HNRNPDL: variants seen among roughly 807,000 people sequenced by gnomAD.
The protein encoded by HNRNPDL is heterogeneous nuclear ribonucleoprotein D-like.
HNRNPDL carries 18 observed loss-of-function variants against 48.0 expected under a neutral mutation model. The observed-to-expected ratio is 0.38, with a 90% CI of 0.26 to 0.56. The LOEUF (loss-of-function observed/expected upper bound fraction) is 0.56, where lower values mean the gene tolerates loss of function less well. Ranked by LOEUF, HNRNPDL falls within the 20% of genes least tolerant of loss-of-function variation. The pLI is 0.77. For missense variants in HNRNPDL, 553 were observed against 540.7 expected (o/e 1.02, Z -0.23); for synonymous variants, 306 against 207.3 (o/e 1.48, Z -4.09).
At position 82,429,458 on chromosome 4, in the gene HNRNPDL, C is replaced by T. The variant is rs1418363610; in HGVS notation, c.233G>A (p.Gly78Glu). 2 of 1,603,582 alleles carry T rather than the reference C, an allele frequency of 1.2e-6. No individual in the cohort carries two copies. Among genetic ancestry groups the T allele is most frequent in the African/African-American group, 1.3e-5 (1 of 74,722 alleles). The change falls in exon 1 of 8, where the codon GGG (glycine) becomes GAG (glutamate). Residue 78 changes from glycine to glutamate, a missense_variant. Around this residue, in one of 4 missense-constraint regions of HNRNPDL, gnomAD observed 327 missense variants for 203.2 expected, o/e 1.61. Transcript: ENST00000295470. Reference sequence around the variant, plus strand: ...GAAGAGATCCGGGCGCCGCCTGCGCCCTCCCTTTATAGCCGCCCCGCCCGC... The same window carrying T: ...GAAGAGATCCGGGCGCCGCCTGCGCTCTCCCTTTATAGCCGCCCCGCCCGC... ...RLAGGAAIKGGRRRRPDLFRR... is the reference protein window; with the variant it reads ...RLAGGAAIKGERRRRPDLFRR...
chr4:82,427,127 T>C, intron 5 of HNRNPDL, 63 bp downstream of exon 5: 1 of 1,062,348 alleles, frequency 9.4e-7, no homozygotes, highest in East Asian at 2.4e-5. Flanking sequence ...ACAGGACTAC[T>C]CATATTCAGC....
intron 1 of HNRNPDL, 138 bp from the exon 2 acceptor site, chr4:82,428,584 A>G (rs908861798): frequency 1.4e-5 from 10 of 715,608 alleles, no homozygotes; most frequent in Middle Eastern, 4.0e-4. Context: ...CATTTAATCT[A>G]TGTCACACAA....
intron 1 of HNRNPDL, 107 bp from the exon 2 acceptor site, chr4:82,428,553 A>G: frequency 2.4e-6 from 2 of 834,650 alleles, no homozygotes; most frequent in Non-Finnish European, 1.8e-6. Context: ...CCCTAAGTGT[A>G]GGCAATTTAA....
rs201715406 is a variant in HNRNPDL, at chr4:82,429,238, C to A, written c.443+10G>T. 6.2e-7 allele frequency: 1 copy of A among 1,612,386 alleles called. No homozygotes were observed. Among genetic ancestry groups the A allele is most frequent in the African/African-American group, 1.3e-5 (1 of 75,000 alleles). On this transcript the variant is annotated intron_variant, in intron 1 of 7. Coordinates refer to ENST00000295470, the MANE Select transcript of HNRNPDL (RefSeq NM_031372.4). ...GGGGGAGGGGGAGCGGGGGAAGAAG[C>A]GTGCGGTACCCGTCATCCTGCTGAT... is the stretch of plus-strand genomic sequence containing the variant.
At chr4:82,429,216 G>C (rs866901696) in intron 1 of HNRNPDL, 32 bp downstream of exon 1, 5 of 1,601,782 alleles carry the variant, frequency 3.1e-6, no homozygotes, top group Non-Finnish European at 4.3e-6. Flanking sequence ...GCGCGCTGGG[G>C]GAGGGGGAGC....
Position 82,423,394 on chromosome 4 carries a change from C to A in HNRNPDL, c.*1512G>T, listed in dbSNP as rs1299826267. ...GTTGCATGTTGAATGAACAGAATCC[C>A]TTCTAACAGCCAACATTGGTACTTG... On this transcript the variant is annotated 3_prime_UTR_variant, in exon 8 of 8. Coordinates refer to ENST00000295470, the MANE Select transcript of HNRNPDL (RefSeq NM_031372.4). 8 of 152,276 alleles carry A rather than the reference C, an allele frequency of 5.3e-5. No homozygotes were observed. The highest frequency in any genetic ancestry group is 1.0e-4 in the Non-Finnish European group (7 of 68,040). The allele number at this position is 152,276 out of a possible 1,614,324, so 9.4% of individuals were successfully genotyped here.
At position 82,430,033 on chromosome 4, in the gene HNRNPDL, T is replaced by C; in HGVS notation, c.-343A>G. The C allele has an allele frequency of 2.0e-5, 3 of 146,460 alleles. No homozygotes were observed. Among genetic ancestry groups the C allele is most frequent in the East Asian group, 2.3e-4 (1 of 4,276 alleles). The allele number at this position is 146,460 out of a possible 1,614,324, so 9.1% of individuals were successfully genotyped here. A position where few individuals can be genotyped will look rare whatever the true frequency, so the allele number is the denominator to read the frequency against. The stretch of plus-strand genomic sequence containing the variant: ...CTGGCGACTGAGGCGGCGAGCGCGC[T>C]CGCCCGCCGCGCGCACGCGTGTTTT... On this transcript the variant is annotated 5_prime_UTR_variant, in exon 1 of 8. Coordinates refer to ENST00000295470, the MANE Select transcript of HNRNPDL (RefSeq NM_031372.4).
At chr4:82,429,125 G>A (rs1190096380) in intron 1 of HNRNPDL, 123 bp downstream of exon 1, 16 of 874,482 alleles carry the variant, frequency 1.8e-5, no homozygotes, top group African/African-American at 1.3e-4. Flanking sequence ...AATCTAGTGG[G>A]GCCCAGAAGG....
In HNRNPDL at chr4:82,422,788, A is replaced by G. The variant is rs924298131; in HGVS notation, c.*2118T>C. 1 of 152,242 alleles carries G rather than the reference A, an allele frequency of 6.6e-6. No individual in the cohort carries two copies. The highest frequency in any genetic ancestry group is 2.4e-5 in the African/African-American group (1 of 41,474). 9.4% of individuals were successfully genotyped at this position (152,242 alleles called of 1,614,324 possible). A position where few individuals can be genotyped will look rare whatever the true frequency, so the allele number is the denominator to read the frequency against. On this transcript the variant is annotated 3_prime_UTR_variant, in exon 8 of 8. Transcript: ENST00000295470. ...TAATTTCTATCCTCTTCCCGAGGAT[A>G]ACATCACACAGAATTTGGTCTAAAC...
At chr4:82,425,964 T>TA in intron 7 of HNRNPDL, 73 bp downstream of exon 7, 1 of 1,033,102 alleles carries the variant, frequency 9.7e-7, no homozygotes, top group Non-Finnish European at 1.5e-6. Context: ...ATTTTGTTTT[T>TA]ACGTTTCATT....
chr4:82,424,165 C>G lies in HNRNPDL; in HGVS notation c.*741G>C, dbSNP rs1459878023. The G allele has an allele frequency of 6.6e-6, 1 of 152,170 alleles. No homozygotes were observed. The highest frequency in any genetic ancestry group is 1.5e-5 in the Non-Finnish European group (1 of 68,026). 9.4% of individuals were successfully genotyped at this position (152,170 alleles called of 1,614,324 possible). A position where few individuals can be genotyped will look rare whatever the true frequency, so the allele number is the denominator to read the frequency against. On this transcript the variant is annotated 3_prime_UTR_variant, in exon 8 of 8. Transcript: ENST00000295470. The stretch of plus-strand genomic sequence containing the variant: ...GCTCCTTTTGTATCTGAACTTTTAT[C>G]AAGAATTACTCATTGTGTTATGATT...
Position 82,423,916 on chromosome 4 carries a change from G to T in HNRNPDL, c.*990C>A, listed in dbSNP as rs192696304. ...TGTCAAAAACTAGATTTACTATCAA[G>T]ACTTTTTCTAAACTCACAGAGCATT... On this transcript the variant is annotated 3_prime_UTR_variant, in exon 8 of 8. Transcript: ENST00000295470. 9.9e-5 allele frequency: 15 copies of T among 152,246 alleles called. No individual in the cohort carries two copies. Among genetic ancestry groups the T allele is most frequent in the East Asian group, 5.8e-4 (3 of 5,184 alleles). The allele number at this position is 152,246 out of a possible 1,614,324, so 9.4% of individuals were successfully genotyped here. A position where few individuals can be genotyped will look rare whatever the true frequency, so the allele number is the denominator to read the frequency against.
intron 1 of HNRNPDL, 105 bp from the exon 2 acceptor site, chr4:82,428,551 G>A: frequency 1.2e-6 from 1 of 848,038 alleles, no homozygotes; most frequent in South Asian, 1.8e-5. Flanking sequence ...CCCCCTAAGT[G>A]TAGGCAATTT....
At chr4:82,426,755 A>G (rs1338257565) in intron 5 of HNRNPDL, 122 bp from the exon 6 acceptor site, 1 of 778,234 alleles carries the variant, frequency 1.3e-6, no homozygotes, top group East Asian at 2.5e-5. Context: ...ATATATTGCT[A>G]TCTGCTTGAA....
chr4:82,430,386 G>C lies in HNRNPDL; in HGVS notation c.-696C>G, dbSNP rs566635943. 2.9e-5 allele frequency: 5 copies of C among 171,646 alleles called. No individual in the cohort carries two copies. Among genetic ancestry groups the C allele is most frequent in the Admixed American group, 6.0e-5 (1 of 16,696 alleles). The allele number at this position is 171,646 out of a possible 1,614,324, so 10.6% of individuals were successfully genotyped here. ...CGGGGCTCCTTTCTGCACGTGCCCC[G>C]GGCCTCTCCCGCTCGCTCAACCTGT... is the stretch of plus-strand genomic sequence containing the variant. On this transcript the variant is annotated 5_prime_UTR_variant, in exon 1 of 8. Transcript: ENST00000295470.
At chr4:82,425,488 T>C (rs1348997220) in intron 7 of HNRNPDL, 1 of 152,804 alleles carries the variant, frequency 6.5e-6, no homozygotes, top group Non-Finnish European at 1.5e-5. Context: ...TCCAAAAAGA[T>C]TAAAAATGAA....
Position 82,423,551 on chromosome 4 carries a change from G to A in HNRNPDL, c.*1355C>T, listed in dbSNP as rs1262435492. On this transcript the variant is annotated 3_prime_UTR_variant, in exon 8 of 8. Transcript: ENST00000295470. ...TTAAAAAAAAAAAGGGAGGGCTCAT[G>A]AGCATAAGAAACTTACCAGTTTTGT... The A allele has an allele frequency of 6.6e-6, 1 of 152,056 alleles. No individual in the cohort carries two copies. Among genetic ancestry groups the A allele is most frequent in the African/African-American group, 2.4e-5 (1 of 41,402 alleles). The allele number at this position is 152,056 out of a possible 1,614,324, so 9.4% of individuals were successfully genotyped here.
At chr4:82,427,032 C>G (rs1345889816) in intron 5 of HNRNPDL, among the ~76,000 whole-genome samples, 158 bp downstream of exon 5, 1 of 152,158 alleles carries the variant, frequency 6.6e-6, no homozygotes, top group African/African-American at 2.4e-5. Context: ...GAGCTCACAA[C>G]AAAAAACCAC....
At chr4:82,426,416 T>C (rs371250695) in intron 6 of HNRNPDL, 47 bp downstream of exon 6, 109 of 1,517,798 alleles carry the variant, frequency 7.2e-5, no homozygotes, top group South Asian at 1.8e-4. Context: ...ATGTTAACAA[T>C]GAATTTTAAT....
Sources: gnomAD v4.1 joint callset for allele counts (sites outside exome capture counted in the v4.1 genomes callset) on GRCh38, gnomAD v4.1.1 for gene constraint, gnomAD v4.1.1 regional missense constraint, MANE v1.5 for transcripts, NCBI Gene and HGNC (gene_info 2026-07-23, HGNC 2026-07-21) for gene names.